HTR1E: variants seen among roughly 807,000 people sequenced by gnomAD.
HTR1E encodes 5-hydroxytryptamine receptor 1E.
A neutral mutation model predicts 3.4 loss-of-function variants in HTR1E; 3 were observed. The observed-to-expected ratio is 0.89, with a 90% confidence interval of 0.41 to 2.31. The LOEUF (loss-of-function observed/expected upper bound fraction) is 2.31, where lower values mean the gene tolerates loss of function less well. HTR1E is among the 30% of genes most tolerant of loss of function. The pLI is 0.05. For missense variants in HTR1E, 392 were observed against 467.0 expected (o/e 0.84, Z 1.48); for synonymous variants, 170 against 182.8 (o/e 0.93, Z 0.56).
At chr6:86,971,146 G>GC (rs1345130767) in intron 1 of HTR1E, 2 of 507,730 alleles carry the variant, frequency 3.9e-6, no homozygotes, top group African/African-American at 3.9e-5. Flanking sequence ...GGAGATGCTG[G>GC]CAACAGAGAA....
At chr6:87,002,655 C>G (rs9353442) in intron 1 of HTR1E, among the ~76,000 whole-genome samples, 1 of 151,188 alleles carries the variant, frequency 6.6e-6, no homozygotes, top group African/African-American at 2.4e-5. Context: ...GAGTGCTGAT[C>G]GGTGCATTTT....
rs144727959 is a variant in HTR1E at position 86,999,048 on chromosome 6, C to T, written c.-185-16102C>T. 2.2e-3 allele frequency among the ~76,000 whole-genome samples: 342 copies of T among 152,280 alleles called. 5 individuals carry two copies. The highest frequency in any genetic ancestry group is 7.9e-3 in the African/African-American group (329 of 41,554). On this transcript the variant is annotated intron_variant, in intron 1 of 1. Transcript: ENST00000305344. ...GATCTCAGCTCACTACAACCTCTGC[C>T]TCTTGGGTTCAAACGATTCTCATAC...
chr6:87,000,236 G>C (rs1768000657), intron 1 of HTR1E: 1 of 152,434 alleles, frequency 6.6e-6, no homozygotes, highest in African/African-American at 2.4e-5. Flanking sequence ...CAACCAACTT[G>C]AGTTTGCCAG....
chr6:87,002,144 C>G (rs1341416525), intron 1 of HTR1E, among the ~76,000 whole-genome samples: 1 of 152,234 alleles, frequency 6.6e-6, no homozygotes, highest in Non-Finnish European at 1.5e-5. Flanking sequence ...TTCTTGGTCT[C>G]CCTGACTTCA....
intron 1 of HTR1E, among the ~76,000 whole-genome samples, chr6:86,998,563 A>G (rs1309544147): frequency 6.6e-6 from 1 of 152,176 alleles, no homozygotes; most frequent in African/African-American, 2.4e-5. Context: ...TGTAGGATAT[A>G]GCTAAAATAA....
chr6:86,994,503 G>A (rs1277207809), intron 1 of HTR1E, among the ~76,000 whole-genome samples: 1 of 152,004 alleles, frequency 6.6e-6, no homozygotes, highest in Admixed American at 6.6e-5. Flanking sequence ...GAAAAGAACT[G>A]TCAACCCAGA....
At chr6:86,995,665 C>CAAAAAAAAAAAAAAAAAAAAA (rs60134206) in intron 1 of HTR1E, among the ~76,000 whole-genome samples, 3 of 36,690 alleles carry the variant, frequency 8.2e-5, no homozygotes, top group East Asian at 6.6e-4. Context: ...GACTCCATCT[C>CAAAAAAAAAAAAAAAAAAAAA]AAAAAAAAAA....
intron 1 of HTR1E, among the ~76,000 whole-genome samples, chr6:86,957,378 A>AT (rs1767341124): frequency 6.6e-6 from 1 of 152,194 alleles, no homozygotes; most frequent in Non-Finnish European, 1.5e-5. Context: ...TAAGACATCT[A>AT]TTTTTTCTCC....
chr6:87,007,907 C>T (rs1768141185), intron 1 of HTR1E, among the ~76,000 whole-genome samples: 1 of 151,986 alleles, frequency 6.6e-6, no homozygotes, highest in African/African-American at 2.4e-5. Context: ...ACACTCCAGC[C>T]TGTGTGAAAG....
intron 1 of HTR1E, among the ~76,000 whole-genome samples, chr6:86,987,938 T>G (rs1246525546): frequency 3.3e-5 from 5 of 152,170 alleles, no homozygotes; most frequent in African/African-American, 1.2e-4. Context: ...ACTAACACAT[T>G]GGCAACACCT....
chr6:86,959,409 T>C (rs1767374193), intron 1 of HTR1E, among the ~76,000 whole-genome samples: 2 of 151,846 alleles, frequency 1.3e-5, no homozygotes, highest in Non-Finnish European at 2.9e-5. Context: ...TGAAACCCTG[T>C]CTCTACAAAA....
intron 1 of HTR1E, among the ~76,000 whole-genome samples, chr6:86,958,801 A>G (rs572979438): frequency 6.6e-6 from 1 of 152,230 alleles, no homozygotes; most frequent in South Asian, 2.1e-4. Flanking sequence ...TCTAAGAGAA[A>G]ATTTGCCTGG....
chr6:87,001,177 A>G, intron 1 of HTR1E, among the ~76,000 whole-genome samples: 1 of 152,220 alleles, frequency 6.6e-6, no homozygotes, highest in East Asian at 1.9e-4. Flanking sequence ...AAAAGAAAAC[A>G]CATAAAATTA....
chr6:87,010,453 T>C (rs1452132130), intron 1 of HTR1E, among the ~76,000 whole-genome samples: 267 of 136,810 alleles, frequency 2.0e-3, no homozygotes, highest in South Asian at 5.1e-3. Flanking sequence ...GCAGAGACGC[T>C]CCTCACCTCC....
intron 1 of HTR1E, among the ~76,000 whole-genome samples, chr6:87,013,745 A>G (rs1315882608): frequency 6.6e-6 from 1 of 152,152 alleles, no homozygotes; most frequent in Admixed American, 6.5e-5. Flanking sequence ...GGCAAAGTAC[A>G]TTTAAAATTT....
chr6:87,013,719 A>G (rs2127834178), intron 1 of HTR1E, among the ~76,000 whole-genome samples: 1 of 152,242 alleles, frequency 6.6e-6, no homozygotes. Context: ...AATATAAATA[A>G]GAAATTAATT....
chr6:86,970,166 A>G (rs377216608), intron 1 of HTR1E, among the ~76,000 whole-genome samples: 1 of 152,220 alleles, frequency 6.6e-6, no homozygotes, highest in Non-Finnish European at 1.5e-5. Context: ...TCTTAATGCT[A>G]TTGTATTCCC....
chr6:86,979,565 T>C lies in HTR1E; in HGVS notation c.-185-35585T>C, dbSNP rs74539877. On this transcript the variant is annotated intron_variant, in intron 1 of 1. Coordinates refer to ENST00000305344, the MANE Select transcript of HTR1E (RefSeq NM_000865.3). ...GTGGTGGTATATATATTTGAGTCTA[T>C]TACAGTATAGTTGGAAAACATAACA... 7.5e-3 allele frequency among the ~76,000 whole-genome samples: 1,140 copies of C among 152,296 alleles called. 16 individuals are homozygous for C. Among genetic ancestry groups the C allele is most frequent in the Admixed American group, 0.036 (547 of 15,302 alleles).
At chr6:86,973,298 C>CTG (rs3043129) in intron 1 of HTR1E, among the ~76,000 whole-genome samples, 32 of 149,602 alleles carry the variant, frequency 2.1e-4, no homozygotes, top group African/African-American at 7.4e-4. Context: ...AAGGCAGTGG[C>CTG]TGTGTGTGTG....
Sources: allele counts gnomAD v4.1 joint callset (sites outside exome capture counted in the v4.1 genomes callset), GRCh38; gene constraint gnomAD v4.1.1; transcripts MANE v1.5; gene names NCBI Gene and HGNC (gene_info 2026-07-23, HGNC 2026-07-21).